SP140: variants seen among roughly 807,000 people sequenced by gnomAD.
SP140 encodes the protein SP140 nuclear body protein, also known as nuclear body protein SP140.
SP140 carries 81 observed loss-of-function variants against 125.0 expected under a neutral mutation model. The observed-to-expected ratio is 0.65, with a 90% CI of 0.54 to 0.78. The LOEUF is 0.78. Ranked by LOEUF, SP140 falls within the 30% of genes least tolerant of loss-of-function variation. The pLI, the probability that SP140 is intolerant of heterozygous loss-of-function variation, is 0.00. For missense variants in SP140, 858 were observed against 1,037.0 expected (o/e 0.83, Z 2.37); for synonymous variants, 312 against 354.0 (o/e 0.88, Z 1.33).
chr2:230,311,957 T>C (rs1218511542), intron 26 of SP140, among the ~76,000 whole-genome samples: 2 of 152,078 alleles, frequency 1.3e-5, no homozygotes, highest in South Asian at 2.1e-4. Context: ...AATCCCAAAC[T>C]CCAGATTCTT....
the SP140 span, among the ~76,000 whole-genome samples, chr2:230,197,992 T>G: frequency 6.6e-6 from 1 of 152,214 alleles, no homozygotes; most frequent in East Asian, 1.9e-4. Flanking sequence ...ATTAGGAATA[T>G]TGTATCACAC....
chr2:230,231,801 G>C (rs192261904), intron 1 of SP140, among the ~76,000 whole-genome samples: 43 of 152,134 alleles, frequency 2.8e-4, no homozygotes, highest in African/African-American at 8.9e-4. Flanking sequence ...CTGCCTCCTA[G>C]GTTCAAGTGA....
intron 21 of SP140, among the ~76,000 whole-genome samples, chr2:230,295,982 TA>T (rs2057681509): frequency 6.6e-6 from 1 of 152,032 alleles, no homozygotes; most frequent in Non-Finnish European, 1.5e-5. Flanking sequence ...CTTGAGCCTA[TA>T]ATGCCAGCAT....
At chr2:230,311,077 A>G in intron 24 of SP140, 77 bp from the exon 25 acceptor site, 1 of 1,607,804 alleles carries the variant, frequency 6.2e-7, no homozygotes, top group East Asian at 2.2e-5. Flanking sequence ...GAAGGGTGTG[A>G]GTTCTGTGCT....
chr2:230,237,492 G>A lies in SP140; in HGVS notation c.237+232G>A, dbSNP rs1427229129. 4 of 476,076 alleles carry A rather than the reference G, an allele frequency of 8.4e-6. No individual in the cohort carries two copies. Among genetic ancestry groups the A allele is most frequent in the Non-Finnish European group, 1.1e-5 (3 of 269,080 alleles). 29.5% of individuals were successfully genotyped at this position (476,076 alleles called of 1,614,324 possible). ...GGGCAGGAGAGAGAATGGGAATGCT[G>A]TATGGGTGCAGATCATCCTAGGTAC... On this transcript the variant is annotated intron_variant, in intron 2 of 26. Coordinates refer to ENST00000392045, the MANE Select transcript of SP140 (RefSeq NM_007237.5). The surrounding 1 kb of genome is among the most constrained non-coding windows in gnomAD (Gnocchi z 5.4).
At chr2:230,235,868 G>GTTTTT (rs984054259) in intron 1 of SP140, among the ~76,000 whole-genome samples, 81 of 77,968 alleles carry the variant, frequency 1.0e-3, no homozygotes, top group East Asian at 1.2e-3. Flanking sequence ...TCTTGTGACT[G>GTTTTT]TTTTTTTTTT....
At position 230,237,375 on chromosome 2, in the gene SP140, G is replaced by A; in HGVS notation, c.237+115G>A. ...TGTGAGTGGGGACCTTCACCATTCT[G>A]TAGGTTAGGAGGTGACAGGAGAAGC... On this transcript the variant is annotated intron_variant, in intron 2 of 26. Coordinates refer to ENST00000392045, the MANE Select transcript of SP140 (RefSeq NM_007237.5). This position sits in a 1 kb window ranked among gnomAD's most constrained non-coding sequence, Gnocchi z 5.4. 1 of 875,908 alleles carries A rather than the reference G, an allele frequency of 1.1e-6. No homozygotes were observed. The highest frequency in any genetic ancestry group is 1.8e-6 in the Non-Finnish European group (1 of 567,116). 54.3% of individuals were successfully genotyped at this position (875,908 alleles called of 1,614,324 possible). A position where few individuals can be genotyped will look rare whatever the true frequency, so the allele number is the denominator to read the frequency against.
At chr2:230,251,802 T>A (rs2050405469) in intron 10 of SP140, among the ~76,000 whole-genome samples, 1 of 152,198 alleles carries the variant, frequency 6.6e-6, no homozygotes, top group African/African-American at 2.4e-5. Context: ...GTTACATTTT[T>A]ACCCTCAGAA....
In SP140 at chr2:230,238,850, A is replaced by G; in HGVS notation, c.406+469A>G. 4 of 1,553,712 alleles carry G rather than the reference A, an allele frequency of 2.6e-6. 1 individual carries two copies. The highest frequency in any genetic ancestry group is 2.4e-5 in the South Asian group (2 of 84,158). The stretch of plus-strand genomic sequence containing the variant: ...CGAAGAGAGCCTAGCACATACTGGT[A>G]CACTGAGGAGGAGCTGCATGTGAAA... On this transcript the variant is annotated intron_variant, in intron 3 of 26. Coordinates refer to ENST00000392045, the MANE Select transcript of SP140 (RefSeq NM_007237.5).
At chr2:230,281,332 T>C (rs940784984) in intron 15 of SP140, among the ~76,000 whole-genome samples, 1 of 152,266 alleles carries the variant, frequency 6.6e-6, no homozygotes, top group African/African-American at 2.4e-5. Context: ...ATTTCAAGGC[T>C]GCAGACGTTA....
intron 3 of SP140, chr2:230,216,679 C>T: frequency 7.0e-7 from 1 of 1,431,782 alleles, no homozygotes; most frequent in Non-Finnish European, 9.8e-7. Context: ...TGGGCTGGGC[C>T]TTCCAAACTC....
At chr2:230,187,991 A>G in the SP140 span, among the ~76,000 whole-genome samples, 12 of 152,154 alleles carry the variant, frequency 7.9e-5, no homozygotes, top group African/African-American at 2.9e-4. Flanking sequence ...TTTTGGTTCC[A>G]TATGAATTTT....
chr2:230,299,078 G>A (rs548770950), intron 22 of SP140, among the ~76,000 whole-genome samples: 40 of 152,220 alleles, frequency 2.6e-4, no homozygotes, highest in South Asian at 6.2e-4. Context: ...ATGGCAGATA[G>A]GAGGCAGGAC....
At chr2:230,202,559 G>C (rs772397512), upstream of SP140, 41 of 1,613,492 alleles carry the variant, frequency 2.5e-5, no homozygotes, top group Non-Finnish European at 3.4e-5. Context: ...TCAAATGGCA[G>C]ATTCCATCAT....
chr2:230,235,306 T>C (rs1011616470), intron 1 of SP140, among the ~76,000 whole-genome samples: 2 of 152,178 alleles, frequency 1.3e-5, no homozygotes, highest in Non-Finnish European at 2.9e-5. Flanking sequence ...CCACCTTCAA[T>C]AGCAATGAGT....
chr2:230,200,261 G>A (rs1184282940), upstream of SP140, among the ~76,000 whole-genome samples: 2 of 152,118 alleles, frequency 1.3e-5, no homozygotes, highest in East Asian at 1.9e-4. Context: ...GCAAACAGAC[G>A]AATATCTAGC....
the SP140 span, among the ~76,000 whole-genome samples, chr2:230,188,217 A>G: frequency 6.6e-6 from 1 of 152,118 alleles, no homozygotes; most frequent in Non-Finnish European, 1.5e-5. Flanking sequence ...TTGGATAAGT[A>G]TATTCCTAGG....
chr2:230,206,578 AT>A (rs2043830327), intron 1 of SP140, among the ~76,000 whole-genome samples: 1 of 124,968 alleles, frequency 8.0e-6, no homozygotes, highest in Admixed American at 8.8e-5. Context: ...GATATTATAT[AT>A]TATCTGGTCC....
At chr2:230,295,984 A>T (rs2057681894) in intron 21 of SP140, among the ~76,000 whole-genome samples, 1 of 152,154 alleles carries the variant, frequency 6.6e-6, no homozygotes, top group Non-Finnish European at 1.5e-5. Flanking sequence ...TGAGCCTATA[A>T]TGCCAGCATT....
Sources: gnomAD v4.1 joint callset for allele counts (sites outside exome capture counted in the v4.1 genomes callset) on GRCh38, gnomAD v4.1.1 for gene constraint, Gnocchi (gnomAD v3.1) non-coding constraint, MANE v1.5 for transcripts, NCBI Gene and HGNC (gene_info 2026-07-23, HGNC 2026-07-21) for gene names.